Variants in NAV3 observed in about 807,000 individuals in gnomAD.
NAV3 encodes the protein pore membrane and/or filament interacting like protein 1.
In NAV3, 87 loss-of-function variants were observed where a neutral mutation model predicts 244.7. The observed-to-expected ratio is 0.36, with a 90% CI of 0.30 to 0.42. The LOEUF (loss-of-function observed/expected upper bound fraction) is 0.42, where lower values mean the gene tolerates loss of function less well. Among genes scored for constraint, NAV3 ranks in the 20% least tolerant of loss-of-function variants. The pLI is 1.00. For synonymous variants in NAV3, 1,126 were observed against 1,042.2 expected, an observed-to-expected ratio of 1.08 and a Z score of -1.55; for missense variants, 2,663 against 2,893.3, an observed-to-expected ratio of 0.92 and a Z score of 1.83.
At chr12:78,172,157 T>C (rs1593893287) in intron 24 of NAV3, among the ~76,000 whole-genome samples, 1 of 151,698 alleles carries the variant, frequency 6.6e-6, no homozygotes, top group East Asian at 1.9e-4. Context: ...TTTTTCAAAA[T>C]GTACCATTGC....
chr12:77,594,544 T>C (rs764071233), intron 2 of NAV3, among the ~76,000 whole-genome samples: 4 of 152,204 alleles, frequency 2.6e-5, no homozygotes, highest in Non-Finnish European at 2.9e-5. Flanking sequence ...AAGTTTGCTA[T>C]TGGGTTTTAG....
intron 1 of NAV3, among the ~76,000 whole-genome samples, chr12:77,832,458 T>G (rs571038763): frequency 6.6e-6 from 1 of 152,308 alleles, no homozygotes; most frequent in South Asian, 2.1e-4. Context: ...TTTTGTTTTG[T>G]GCATTTTTAC....
intron 5 of NAV3, among the ~76,000 whole-genome samples, chr12:77,976,752 C>T (rs1443939284): frequency 3.0e-5 from 4 of 135,068 alleles, no homozygotes; most frequent in African/African-American, 1.1e-4. Context: ...CAGCTTGGCT[C>T]ACTGCAACCT....
chr12:77,924,945 T>A (rs966634056), intron 1 of NAV3, among the ~76,000 whole-genome samples: 2 of 151,880 alleles, frequency 1.3e-5, no homozygotes, highest in African/African-American at 4.8e-5. Flanking sequence ...GATAAGGATA[T>A]GATCCTAGCA....
At chr12:77,863,313 G>A (rs1030678506) in intron 1 of NAV3, among the ~76,000 whole-genome samples, 1 of 151,738 alleles carries the variant, frequency 6.6e-6, no homozygotes, top group Non-Finnish European at 1.5e-5. Flanking sequence ...ATTTGAAATT[G>A]TAGAAGTTCA....
At chr12:78,000,372 G>C (rs542546326) in intron 7 of NAV3, among the ~76,000 whole-genome samples, 1 of 152,022 alleles carries the variant, frequency 6.6e-6, no homozygotes, top group Admixed American at 6.5e-5. Flanking sequence ...TAAACGTGGA[G>C]TTAAAACTTT....
At chr12:77,816,725 C>CAGA (rs1162646184) in intron 2 of NAV3, among the ~76,000 whole-genome samples, 2 of 152,136 alleles carry the variant, frequency 1.3e-5, no homozygotes, top group African/African-American at 4.8e-5. Flanking sequence ...TCTGTCACTC[C>CAGA]TTTACCTCTG....
chr12:77,672,000 T>TG (rs1362244166), intron 2 of NAV3, among the ~76,000 whole-genome samples: 36 of 152,214 alleles, frequency 2.4e-4, no homozygotes, highest in Non-Finnish European at 1.5e-5. Flanking sequence ...CTTCACAATC[T>TG]ATGCCTCCGA....
rs538274383 is a variant in NAV3, at chr12:78,004,846, C to A, written c.881-1573C>A. 3.9e-5 allele frequency among the ~76,000 whole-genome samples: 6 copies of A among 152,210 alleles called. No individual in the cohort carries two copies. In the South Asian group the frequency reaches 1.2e-3, roughly 32 times the overall value. On this transcript the variant is annotated intron_variant, in intron 7 of 39. Coordinates refer to ENST00000397909, the MANE Select transcript of NAV3 (RefSeq NM_001024383.2). ...GAAGTATCTTATATGTGTGTACTCGCCTGAGAATGATGTTACAGCTGCTGT... is the reference window on the plus strand; with the variant it reads ...GAAGTATCTTATATGTGTGTACTCGACTGAGAATGATGTTACAGCTGCTGT...
At chr12:77,610,643 A>C (rs1870869453) in intron 2 of NAV3, among the ~76,000 whole-genome samples, 1 of 152,088 alleles carries the variant, frequency 6.6e-6, no homozygotes, top group African/African-American at 2.4e-5. Context: ...ACCTGGAATC[A>C]GCTGGACTCC....
At chr12:78,075,479 G>A (rs1437479700) in intron 12 of NAV3, among the ~76,000 whole-genome samples, 3 of 152,116 alleles carry the variant, frequency 2.0e-5, no homozygotes, top group African/African-American at 7.2e-5. Flanking sequence ...ATTTGGATGT[G>A]GCTGAATAGA....
intron 2 of NAV3, among the ~76,000 whole-genome samples, chr12:77,612,647 T>C (rs1217504390): frequency 6.6e-6 from 1 of 152,100 alleles, no homozygotes; most frequent in African/African-American, 2.4e-5. Context: ...CAAGAAGATA[T>C]TTTTCCCTAG....
At chr12:77,807,061 CTA>C (rs1872020352) in intron 2 of NAV3, among the ~76,000 whole-genome samples, 1 of 152,112 alleles carries the variant, frequency 6.6e-6, no homozygotes, top group Non-Finnish European at 1.5e-5. Context: ...TGTTTTGAGC[CTA>C]TGTGTGTCTT....
At chr12:77,813,304 C>G (rs539441545) in intron 2 of NAV3, among the ~76,000 whole-genome samples, 3 of 152,242 alleles carry the variant, frequency 2.0e-5, no homozygotes, top group Non-Finnish European at 4.4e-5. Context: ...ACCAGCCATT[C>G]TGCAATTGAT....
At chr12:78,182,360 C>T (rs568309345) in intron 30 of NAV3, among the ~76,000 whole-genome samples, 5 of 152,154 alleles carry the variant, frequency 3.3e-5, no homozygotes, top group East Asian at 3.9e-4. Context: ...GTAAGATCTA[C>T]ATCTCATAAT....
chr12:77,679,041 A>G (rs946612187), intron 2 of NAV3, among the ~76,000 whole-genome samples: 4 of 152,206 alleles, frequency 2.6e-5, no homozygotes, highest in African/African-American at 9.7e-5. Flanking sequence ...TTGTGAACAA[A>G]AGCATCTTAA....
At position 77,998,378 on chromosome 12, in the gene NAV3, G is replaced by A. The variant is rs762715478; in HGVS notation, c.782G>A (p.Ser261Asn). Residue 261 changes from serine to asparagine, a missense_variant, in exon 7 of 40, where the codon AGC becomes AAC. Physicochemically the swap from Ser to Asn is conservative, Grantham distance 46. Coordinates refer to ENST00000397909, the MANE Select transcript of NAV3 (RefSeq NM_001024383.2). ...PSRVPAAGSS[S>N]KVQGASNLNR... ...AGGGTGCCTGCTGCAGGAAGCAGCA[G>A]CAAGGTCCAGGGAGCCTCTAATTTA... The A allele has an allele frequency of 6.2e-7, 1 of 1,606,340 alleles. No homozygotes were observed. The highest frequency in any genetic ancestry group is 1.1e-5 in the South Asian group (1 of 89,992).
At chr12:78,127,550 T>G (rs1202922519) in intron 17 of NAV3, among the ~76,000 whole-genome samples, 1 of 152,208 alleles carries the variant, frequency 6.6e-6, no homozygotes, top group Non-Finnish European at 1.5e-5. Flanking sequence ...TTTGGTAGAA[T>G]GCAGAACTCA....
rs368308733 is a variant in NAV3, at chr12:77,663,077, T to C, written c.72+90811T>C. Among the ~76,000 whole-genome samples, 45 of 152,338 alleles carry C rather than the reference T, an allele frequency of 3.0e-4. No homozygotes were observed. The South Asian group carries it at 5.0e-3, about 17-fold the overall frequency. On this transcript the variant is annotated intron_variant, in intron 2 of 8. Coordinates refer to the NAV3 transcript ENST00000550042. ...TTCACTTAAATGTTGTAAATTACAG[T>C]CTTTAAGAATACATTAAGCACAAAT...
Sources: gnomAD v4.1 joint callset for allele counts (sites outside exome capture counted in the v4.1 genomes callset) on GRCh38, gnomAD v4.1.1 for gene constraint, MANE v1.5 for transcripts, NCBI Gene and HGNC (gene_info 2026-07-23, HGNC 2026-07-21) for gene names.